ASXL1: variants seen among roughly 807,000 people sequenced by gnomAD.
ASXL1 encodes ASXL transcriptional regulator 1.
ASXL1 carries 65 observed loss-of-function variants against 89.1 expected under a neutral mutation model. The ratio of observed to expected loss-of-function variants is 0.73; its 90% confidence interval spans 0.60 to 0.90. The LOEUF is 0.90. Among genes scored for constraint, ASXL1 ranks in the 40% least tolerant of loss-of-function variants. ASXL1 has a pLI of 0.00. For synonymous variants in ASXL1, 739 were observed against 746.9 expected (o/e 0.99, Z 0.17); for missense variants, 1,786 against 1,942.9 (o/e 0.92, Z 1.52).
At chr20:32,420,416 C>T (rs1457516332) in intron 4 of ASXL1, among the ~76,000 whole-genome samples, 1 of 152,014 alleles carries the variant, frequency 6.6e-6, no homozygotes, top group Non-Finnish European at 1.5e-5. Flanking sequence ...TTGCCACATT[C>T]GTAGTGTCTT....
chr20:32,412,273 CT>C (rs2049061943), intron 4 of ASXL1, among the ~76,000 whole-genome samples: 1 of 152,150 alleles, frequency 6.6e-6, no homozygotes, highest in Admixed American at 6.6e-5. Flanking sequence ...CTATTATGTA[CT>C]TTGTATCTAC....
chr20:32,367,680 C>G (rs955872441), intron 2 of ASXL1, 47 bp from the exon 3 acceptor site: 3 of 780,376 alleles, frequency 3.8e-6, no homozygotes. Context: ...TGGGCTATTT[C>G]CCATCATGCT....
rs770534749 is a variant in ASXL1 at position 32,432,874 on chromosome 20, C to G, written c.980-6C>G. The G allele has an allele frequency of 6.2e-7, 1 of 1,613,560 alleles. No homozygotes were observed. Among genetic ancestry groups the G allele is most frequent in the Non-Finnish European group, 8.5e-7 (1 of 1,179,838 alleles). On this transcript the variant is annotated splice_polypyrimidine_tract_variant and splice_region_variant and intron_variant, in intron 10 of 12. Coordinates refer to ENST00000375687, the MANE Select transcript of ASXL1 (RefSeq NM_015338.6). ...CACTTACTAGAAGAGGTTTATTTCT[C>G]CCTAGGTGAATTTACTCATGAGATG...
chr20:32,359,835 CTT>C (rs1196115736), intron 1 of ASXL1: 2 of 717,684 alleles, frequency 2.8e-6, no homozygotes, highest in Admixed American at 2.0e-5. Flanking sequence ...AGCTCAGACA[CTT>C]TGAGACATAT....
At chr20:32,385,275 C>A (rs974143963) in intron 4 of ASXL1, among the ~76,000 whole-genome samples, 20 of 152,152 alleles carry the variant, frequency 1.3e-4, no homozygotes, top group Non-Finnish European at 2.4e-4. Flanking sequence ...ACTTTTGGTT[C>A]AGAGATTTGT....
At chr20:32,430,097 C>G (rs776697085) in intron 8 of ASXL1, 44 bp downstream of exon 8, 1 of 1,590,368 alleles carries the variant, frequency 6.3e-7, no homozygotes, top group Non-Finnish European at 8.5e-7. Flanking sequence ...AAGGGGGCCC[C>G]TGCAGGCCTA....
chr20:32,435,650 AT>A lies in ASXL1; in HGVS notation c.2940del (p.Ile980MetfsTer4). On this transcript the variant is annotated frameshift_variant, in exon 13 of 13. Transcript: ENST00000375687. LOFTEE classifies it low-confidence loss of function (END_TRUNC). Reference protein sequence around the residue: ...SNGSYCQQVDIEKLKINGDSE... With the variant: ...SNGSYCQQVDXEKLKINGDSE... ...TGGCAGTTACTGTCAACAGGTGGAC[AT>A]TGAAAAGCTGAAAATCAACGGAGAC... is the stretch of plus-strand genomic sequence containing the variant. 6.2e-7 allele frequency: 1 copy of A among 1,614,202 alleles called. No homozygotes were observed. The highest frequency in any genetic ancestry group is 8.5e-7 in the Non-Finnish European group (1 of 1,180,040).
chr20:32,388,669 G>A (rs2048620425), intron 4 of ASXL1, among the ~76,000 whole-genome samples: 1 of 151,970 alleles, frequency 6.6e-6, no homozygotes, highest in African/African-American at 2.4e-5. Context: ...GAGAATTTTT[G>A]CATCTGTATT....
At chr20:32,399,914 A>G (rs2048843570) in intron 4 of ASXL1, among the ~76,000 whole-genome samples, 2 of 151,764 alleles carry the variant, frequency 1.3e-5, no homozygotes, top group South Asian at 4.2e-4. Context: ...GGCACCCGCC[A>G]CTACGCCTGG....
intron 4 of ASXL1, among the ~76,000 whole-genome samples, chr20:32,392,614 C>T (rs995177539): frequency 7.3e-5 from 11 of 150,320 alleles, no homozygotes; most frequent in African/African-American, 2.7e-4. Context: ...TGCTCCCAGC[C>T]CTGAAATCTT....
chr20:32,360,694 G>A (rs538553020), intron 1 of ASXL1: 1 of 161,980 alleles, frequency 6.2e-6, no homozygotes, highest in East Asian at 1.3e-4. Context: ...TTAGGAATTT[G>A]GGGTCCACTG....
intron 4 of ASXL1, among the ~76,000 whole-genome samples, chr20:32,426,557 T>TTTTTG (rs2011306442): frequency 1.1e-5 from 1 of 93,310 alleles, no homozygotes; most frequent in East Asian, 3.7e-4. Context: ...TTTCTTTCTT[T>TTTTTG]TTTTTTTTTT....
At chr20:32,430,843 G>A (rs2011492557) in intron 8 of ASXL1, 2 of 366,444 alleles carry the variant, frequency 5.5e-6, no homozygotes, top group Non-Finnish European at 1.0e-5. Context: ...AGAGGTATTA[G>A]CATCTCAGTT....
chr20:32,383,277 A>G (rs1227126166), intron 4 of ASXL1, among the ~76,000 whole-genome samples: 2 of 151,690 alleles, frequency 1.3e-5, no homozygotes, highest in Non-Finnish European at 2.9e-5. Context: ...TGTACTCTCC[A>G]TTATATTGGC....
At chr20:32,358,916 CA>C in intron 1 of ASXL1, 84 bp downstream of exon 1, 1 of 1,332,936 alleles carries the variant, frequency 7.5e-7, no homozygotes, top group Non-Finnish European at 9.8e-7. Flanking sequence ...GGGGGAGGGG[CA>C]AGGCCCTGCC....
At chr20:32,427,292 G>C (rs2011343672) in intron 4 of ASXL1, 1 of 152,448 alleles carries the variant, frequency 6.6e-6, no homozygotes, top group African/African-American at 2.4e-5. Flanking sequence ...CACAATCTTT[G>C]GTTTAGATCT....
intron 1 of ASXL1, among the ~76,000 whole-genome samples, chr20:32,361,847 C>T (rs59151490): frequency 2.5e-3 from 384 of 152,076 alleles, no homozygotes; most frequent in African/African-American, 9.0e-3. Context: ...AGACGGATCA[C>T]CTGAGGCCAG....
At chr20:32,372,881 C>T (rs190969002) in intron 4 of ASXL1, among the ~76,000 whole-genome samples, 2 of 151,856 alleles carry the variant, frequency 1.3e-5, no homozygotes, top group African/African-American at 4.8e-5. Context: ...GTGTGAGCCA[C>T]CGCGCCCAGC....
In ASXL1 at chr20:32,414,532, C is replaced by T. The variant is rs553054401; in HGVS notation, c.253-13596C>T. 3.9e-5 allele frequency among the ~76,000 whole-genome samples: 6 copies of T among 152,100 alleles called. No homozygotes were observed. In the East Asian group the frequency reaches 1.2e-3, roughly 29 times the overall value. On this transcript the variant is annotated intron_variant, in intron 4 of 12. Coordinates refer to ENST00000375687, the MANE Select transcript of ASXL1 (RefSeq NM_015338.6). ...GAGTCCAGCCTGGGCAACATAGCAA[C>T]ACCCCATATCTTATTTTAAAAAAAG...
Sources: allele counts gnomAD v4.1 joint callset (sites outside exome capture counted in the v4.1 genomes callset), GRCh38; gene constraint gnomAD v4.1.1; transcripts MANE v1.5; gene names NCBI Gene and HGNC (gene_info 2026-07-23, HGNC 2026-07-21).